MON1A: variants seen among roughly 807,000 people sequenced by gnomAD.
MON1A encodes the protein vacuolar fusion protein MON1 homolog A.
Under a neutral mutation model 44.6 loss-of-function variants are expected in MON1A, and 29 were observed. The ratio of observed to expected loss-of-function variants is 0.65; its 90% CI spans 0.48 to 0.89. The LOEUF is 0.89. Ranked by LOEUF, MON1A falls within the 40% of genes least tolerant of loss-of-function variation. The pLI is 0.00. For missense variants in MON1A, 615 were observed against 759.6 expected (o/e 0.81, Z 2.24); for synonymous variants, 275 against 316.4 (o/e 0.87, Z 1.39).
chr3:49,927,926 A>C (rs548871302), intron 1 of MON1A, among the ~76,000 whole-genome samples: 1 of 151,888 alleles, frequency 6.6e-6, no homozygotes, highest in East Asian at 1.9e-4. Context: ...AAAAAAAAAC[A>C]AAAAACTCCT....
At chr3:49,922,458 G>A (rs1177077080) in intron 1 of MON1A, among the ~76,000 whole-genome samples, 2 of 148,908 alleles carry the variant, frequency 1.3e-5, no homozygotes, top group East Asian at 4.1e-4. Context: ...CTCCACCCTG[G>A]GTGACAGAGC....
chr3:49,925,237 C>T (rs1575481022), intron 1 of MON1A, among the ~76,000 whole-genome samples: 1 of 152,240 alleles, frequency 6.6e-6, no homozygotes, highest in East Asian at 1.9e-4. Flanking sequence ...ACCTCAGCCT[C>T]CCAAGTAGCT....
intron 1 of MON1A, among the ~76,000 whole-genome samples, chr3:49,927,430 A>G (rs937052564): frequency 3.3e-5 from 5 of 152,220 alleles, no homozygotes; most frequent in Non-Finnish European, 7.3e-5. Flanking sequence ...CATTCAGTCC[A>G]TGTGTGACTG....
chr3:49,912,031 G>A lies in MON1A; in HGVS notation c.128-20C>T, dbSNP rs2082893016. 1 of 1,543,414 alleles carries A rather than the reference G, an allele frequency of 6.5e-7. No homozygotes were observed. The highest frequency in any genetic ancestry group is 1.3e-5 in the South Asian group (1 of 79,622). Reference sequence around the variant, plus strand: ...CCGCACCTGCAGGCCAAAAGCACTGGTGCTTAGAGGGGTAGCTAGTGGCAG... The same window carrying A: ...CCGCACCTGCAGGCCAAAAGCACTGATGCTTAGAGGGGTAGCTAGTGGCAG... On this transcript the variant is annotated intron_variant, in intron 2 of 5. Transcript: ENST00000296473.
chr3:49,919,943 G>A (rs1232422254), intron 1 of MON1A, among the ~76,000 whole-genome samples: 3 of 152,210 alleles, frequency 2.0e-5, no homozygotes, highest in Non-Finnish European at 2.9e-5. Context: ...GGAAGACAGA[G>A]ATGGAGGATC....
chr3:49,911,482 C>T lies in MON1A; in HGVS notation c.613+44G>A. ...GGTCCAAAACCTGCTATGAATGAAC[C>T]TTGGCCAGGGGAGCCCGCCCCATTC... On this transcript the variant is annotated intron_variant, in intron 3 of 5. Transcript: ENST00000296473. This position sits in a 1 kb window ranked among gnomAD's most constrained non-coding sequence, Gnocchi z 5.7. The T allele has an allele frequency of 8.9e-6, 14 of 1,565,078 alleles. No homozygotes were observed. Among genetic ancestry groups the T allele is most frequent in the Non-Finnish European group, 1.2e-5 (14 of 1,155,432 alleles).
At chr3:49,919,582 C>T (rs1259529594) in intron 1 of MON1A, among the ~76,000 whole-genome samples, 3 of 152,180 alleles carry the variant, frequency 2.0e-5, no homozygotes, top group African/African-American at 7.2e-5. Context: ...TGGGTTCAAG[C>T]GATGCTCCTC....
At chr3:49,926,486 T>C (rs1400825116) in intron 1 of MON1A, among the ~76,000 whole-genome samples, 1 of 152,146 alleles carries the variant, frequency 6.6e-6, no homozygotes. Flanking sequence ...AGACAGAATC[T>C]CACTCTGTCA....
rs542293932 is a variant in MON1A at position 49,929,672 on chromosome 3, G to A, written c.-77C>T. Reference sequence around the variant, plus strand: ...GGTCACTGCCCTCTGCCGGACCCATGGAGGGGTAAGGGTGTCCGGCCGGGG... The same window carrying A: ...GGTCACTGCCCTCTGCCGGACCCATAGAGGGGTAAGGGTGTCCGGCCGGGG... On this transcript the variant is annotated 5_prime_UTR_variant, in exon 1 of 6. Transcript: ENST00000296473. 188 of 1,551,296 alleles carry A rather than the reference G, an allele frequency of 1.2e-4. 2 individuals carry two copies. In the South Asian group the frequency reaches 2.1e-3, roughly 17 times the overall value.
chr3:49,923,453 A>AAAGAAAGAC (rs1468393927), intron 1 of MON1A, among the ~76,000 whole-genome samples: 2 of 149,772 alleles, frequency 1.3e-5, no homozygotes, highest in African/African-American at 5.0e-5. Flanking sequence ...GGGAAGAACG[A>AAAGAAAGAC]AAGAAAGACA....
At chr3:49,914,923 C>T (rs2082930701) in intron 1 of MON1A, among the ~76,000 whole-genome samples, 1 of 152,150 alleles carries the variant, frequency 6.6e-6, no homozygotes, top group African/African-American at 2.4e-5. Context: ...TCAAGCAATC[C>T]TCCCACTTCA....
At position 49,910,636 on chromosome 3, in the gene MON1A, A is replaced by G. The variant is rs1173569527; in HGVS notation, c.862T>C (p.Phe288Leu). ...LLQLMARDPS[F>L]LMGAARCLPL... ...AGGCACCGTGCCGCCCCCATCAGGA[A>G]GCTGGGGTCTCGTGCCATGAGCTGC... Residue 288 changes from phenylalanine (F) to leucine (L), a missense_variant, in exon 4 of 6, where the codon TTC becomes CTC. Transcript: ENST00000296473. This position sits in a 1 kb window ranked among gnomAD's most constrained non-coding sequence, Gnocchi z 8.0. 1 of 1,603,598 alleles carries G rather than the reference A, an allele frequency of 6.2e-7. No homozygotes were observed. The highest frequency in any genetic ancestry group is 1.1e-5 in the South Asian group (1 of 90,196).
chr3:49,913,394 T>C (rs776996742), intron 1 of MON1A, 35 bp from the exon 2 acceptor site: 2 of 1,587,484 alleles, frequency 1.3e-6, no homozygotes, highest in Non-Finnish European at 8.6e-7. Flanking sequence ...CGATGGCTTT[T>C]GGCAGGGTCA....
chr3:49,921,566 C>G (rs528474966), intron 1 of MON1A, among the ~76,000 whole-genome samples: 3 of 146,302 alleles, frequency 2.1e-5, no homozygotes, highest in East Asian at 4.3e-4. Flanking sequence ...GTCAGGATAT[C>G]GAGACCACTC....
intron 1 of MON1A, 131 bp from the exon 2 acceptor site, chr3:49,913,490 G>A: frequency 2.5e-6 from 2 of 815,558 alleles, no homozygotes; most frequent in Non-Finnish European, 3.7e-6. Flanking sequence ...AATGGATTCT[G>A]AGAATTCCTT....
intron 2 of MON1A, chr3:49,912,530 T>C (rs2082898238): frequency 6.1e-6 from 1 of 162,860 alleles, no homozygotes; most frequent in Non-Finnish European, 1.3e-5. Flanking sequence ...TCTCCCCAAC[T>C]ACAATGGTAC....
At position 49,908,997 on chromosome 3, in the gene MON1A, G is replaced by T. The variant is rs780568379; in HGVS notation, c.*17C>A. 104 of 1,605,354 alleles carry T rather than the reference G, an allele frequency of 6.5e-5. No individual in the cohort carries two copies. The highest frequency in any genetic ancestry group is 8.4e-5 in the Non-Finnish European group (99 of 1,174,988). On this transcript the variant is annotated 3_prime_UTR_variant, in exon 6 of 6. Coordinates refer to ENST00000296473, the MANE Select transcript of MON1A (RefSeq NM_032355.4). ...CACCTAGTGTGTCCAGGAAGGCTGA[G>T]CCCGCACACATTCCCATCAATAGGT...
Position 49,908,961 on chromosome 3 carries a change from A to AT in MON1A, c.*52dup. ...GGCCAGCCCCCATCTGGAGGCTCCTATGGCTTCCCACACCTAGTGTGTCCA... is the reference window on the plus strand; with the variant it reads ...GGCCAGCCCCCATCTGGAGGCTCCTATTGGCTTCCCACACCTAGTGTGTCCA... On this transcript the variant is annotated 3_prime_UTR_variant, in exon 6 of 6. Coordinates refer to ENST00000296473, the MANE Select transcript of MON1A (RefSeq NM_032355.4). 1.3e-6 allele frequency: 2 copies of AT among 1,555,482 alleles called. No individual in the cohort carries two copies. Among genetic ancestry groups the AT allele is most frequent in the Non-Finnish European group, 1.7e-6 (2 of 1,147,894 alleles).
rs745585388 is a variant in MON1A at position 49,910,374 on chromosome 3, G to A, written c.1124C>T (p.Ala375Val). 1.9e-6 allele frequency: 3 copies of A among 1,614,120 alleles called. No homozygotes were observed. The African/African-American group carries it at 4.0e-5, about 22-fold the overall frequency. ...AGAGATGTGTGCGTGGAAGAAGCCG[G>A]CTGCGTTGAATTTGGGCAGGCACAC... The part of the protein sequence containing the change: ...TPVCLPKFNA[A>V]GFFHAHISYL... Residue 375 changes from alanine to valine, a missense_variant, in exon 4 of 6, where the codon GCC (alanine) becomes GTC (valine). Ala to Val is a moderately conservative substitution (Grantham distance 64). Transcript: ENST00000296473. The surrounding 1 kb of genome is among the most constrained non-coding windows in gnomAD (Gnocchi z 8.0).
Sources: allele counts gnomAD v4.1 joint callset (sites outside exome capture counted in the v4.1 genomes callset), GRCh38; gene constraint gnomAD v4.1.1; non-coding constraint Gnocchi (gnomAD v3.1); transcripts MANE v1.5; gene names NCBI Gene and HGNC (gene_info 2026-07-23, HGNC 2026-07-21).